Variants in B3GALT1 observed in about 807,000 individuals in gnomAD.
The protein encoded by B3GALT1 is UDP-Gal:betaGlcNAc beta 1,3-galactosyltransferase, polypeptide 1.
A neutral mutation model predicts 23.2 loss-of-function variants in B3GALT1; 10 were observed. The observed-to-expected ratio is 0.43, with a 90% CI of 0.27 to 0.73. The LOEUF (loss-of-function observed/expected upper bound fraction) is 0.73. Among genes scored for constraint, B3GALT1 ranks in the 30% least tolerant of loss-of-function variants. B3GALT1 has a pLI of 0.21. For missense variants in B3GALT1, 299 were observed against 405.4 expected (o/e 0.74, Z 2.25); for synonymous variants, 156 against 141.5 (o/e 1.10, Z -0.73).
At chr2:167,637,592 A>C (rs765881546) in intron 2 of B3GALT1, among the ~76,000 whole-genome samples, 1 of 152,008 alleles carries the variant, frequency 6.6e-6, no homozygotes, top group Non-Finnish European at 1.5e-5. Flanking sequence ...ATTGAACATT[A>C]GAATGTATTC....
intron 3 of B3GALT1, among the ~76,000 whole-genome samples, chr2:167,743,525 C>A (rs1470291559): frequency 1.3e-5 from 2 of 151,870 alleles, no homozygotes; most frequent in Non-Finnish European, 2.9e-5. Context: ...TAAGATATGT[C>A]TGTTTTTATC....
intron 1 of B3GALT1, among the ~76,000 whole-genome samples, chr2:167,347,877 T>G (rs1376127372): frequency 1.3e-5 from 2 of 152,166 alleles, no homozygotes; most frequent in African/African-American, 4.8e-5. Flanking sequence ...AAAACCCAAA[T>G]GTATTAATAT....
rs201897472 is a variant in B3GALT1, at chr2:167,358,530, C to CT, written c.-511+65204dup. Among the ~76,000 whole-genome samples the CT allele has an allele frequency of 6.7e-3, 1,015 of 151,888 alleles. 7 individuals are homozygous for CT. The highest frequency in any genetic ancestry group is 0.022 in the African/African-American group (920 of 41,436). On this transcript the variant is annotated intron_variant, in intron 1 of 4. Coordinates refer to ENST00000392690, the MANE Select transcript of B3GALT1 (RefSeq NM_020981.4). Reference sequence around the variant, plus strand: ...CAATTTTGTTGAGCATGTTTGTGAACTTTTTTTTAGTAATAATGAACTTTT... The same window carrying CT: ...CAATTTTGTTGAGCATGTTTGTGAACTTTTTTTTTAGTAATAATGAACTTTT...
chr2:167,653,826 G>C (rs893678932), intron 3 of B3GALT1, among the ~76,000 whole-genome samples: 1 of 152,152 alleles, frequency 6.6e-6, no homozygotes, highest in Admixed American at 6.5e-5. Context: ...GAGTTCACTG[G>C]TTGGCTCCAT....
intron 1 of B3GALT1, among the ~76,000 whole-genome samples, chr2:167,366,248 T>A (rs1559076535): frequency 2.6e-5 from 4 of 152,166 alleles, no homozygotes; most frequent in Admixed American, 6.5e-5. Context: ...AGTATATTGA[T>A]GAAAAAAATT....
intron 3 of B3GALT1, among the ~76,000 whole-genome samples, chr2:167,800,904 A>G (rs1359766225): frequency 6.6e-6 from 1 of 152,208 alleles, no homozygotes; most frequent in Non-Finnish European, 1.5e-5. Context: ...TAGAGAAAGC[A>G]TTTGTAGAAA....
At chr2:167,388,563 T>G (rs1034937804) in intron 1 of B3GALT1, among the ~76,000 whole-genome samples, 3 of 152,074 alleles carry the variant, frequency 2.0e-5, no homozygotes, top group South Asian at 2.1e-4. Flanking sequence ...AGGGTAAATA[T>G]TCGTCCAAGT....
intron 2 of B3GALT1, among the ~76,000 whole-genome samples, chr2:167,504,249 A>G (rs147406345): frequency 3.5e-4 from 53 of 152,348 alleles, no homozygotes; most frequent in African/African-American, 1.3e-3. Context: ...TTGTTTACTT[A>G]GTGGTAATCA....
intron 1 of B3GALT1, among the ~76,000 whole-genome samples, chr2:167,344,424 C>G (rs933664951): frequency 6.6e-6 from 1 of 152,108 alleles, no homozygotes; most frequent in Non-Finnish European, 1.5e-5. Context: ...CATTTTTCTT[C>G]TCCCTTCTTA....
At chr2:167,813,569 A>G (rs546040072) in intron 3 of B3GALT1, among the ~76,000 whole-genome samples, 8 of 152,152 alleles carry the variant, frequency 5.3e-5, no homozygotes, top group African/African-American at 1.4e-4. Context: ...TGTTTTTGCA[A>G]TTACTACATT....
At chr2:167,344,238 A>G (rs1251296261) in intron 1 of B3GALT1, among the ~76,000 whole-genome samples, 1 of 152,180 alleles carries the variant, frequency 6.6e-6, no homozygotes, top group Non-Finnish European at 1.5e-5. Flanking sequence ...GTTTGTTTCC[A>G]TATCTTCAGA....
intron 1 of B3GALT1, among the ~76,000 whole-genome samples, chr2:167,302,156 A>T (rs1696458570): frequency 6.6e-6 from 1 of 152,198 alleles, no homozygotes; most frequent in African/African-American, 2.4e-5. Context: ...ATGAAATAAT[A>T]GTGAAAAAAG....
At chr2:167,707,018 C>G (rs960697183) in intron 3 of B3GALT1, among the ~76,000 whole-genome samples, 2 of 152,196 alleles carry the variant, frequency 1.3e-5, no homozygotes, top group Non-Finnish European at 2.9e-5. Flanking sequence ...TTGCATCATG[C>G]TGTGAGGAAG....
chr2:167,612,701 A>T (rs1053917919), intron 2 of B3GALT1, among the ~76,000 whole-genome samples: 1 of 151,946 alleles, frequency 6.6e-6, no homozygotes, highest in Non-Finnish European at 1.5e-5. Flanking sequence ...ATGGAATTTT[A>T]AAAAATTGTA....
At chr2:167,746,701 T>C (rs1271293110) in intron 3 of B3GALT1, among the ~76,000 whole-genome samples, 2 of 152,212 alleles carry the variant, frequency 1.3e-5, no homozygotes, top group Admixed American at 1.3e-4. Context: ...AAATTAGTAT[T>C]CCATGTTATA....
At chr2:167,653,995 AAGAAAC>A (rs1169041638) in intron 3 of B3GALT1, among the ~76,000 whole-genome samples, 1 of 152,188 alleles carries the variant, frequency 6.6e-6, no homozygotes, top group Non-Finnish European at 1.5e-5. Flanking sequence ...CCAGTTAGAC[AAGAAAC>A]AGGAGATGCC....
At chr2:167,716,178 G>A (rs1195385679) in intron 3 of B3GALT1, 20 of 1,122,036 alleles carry the variant, frequency 1.8e-5, no homozygotes, top group Admixed American at 5.1e-5. Context: ...CAACCGGAGC[G>A]GACTACTGCG....
chr2:167,537,525 G>T (rs1683449914), intron 2 of B3GALT1, among the ~76,000 whole-genome samples: 1 of 152,146 alleles, frequency 6.6e-6, no homozygotes, highest in Non-Finnish European at 1.5e-5. Context: ...GCTTCCTTCA[G>T]TTACCCCTCC....
chr2:167,739,331 A>G (rs930059824), intron 3 of B3GALT1, among the ~76,000 whole-genome samples: 6 of 152,220 alleles, frequency 3.9e-5, no homozygotes, highest in Non-Finnish European at 8.8e-5. Flanking sequence ...ATGAAAGCCC[A>G]GAAACCTATT....
Sources: gnomAD v4.1 joint callset for allele counts (sites outside exome capture counted in the v4.1 genomes callset) on GRCh38, gnomAD v4.1.1 for gene constraint, MANE v1.5 for transcripts, NCBI Gene and HGNC (gene_info 2026-07-23, HGNC 2026-07-21) for gene names.